SPACA4: variants seen among roughly 807,000 people sequenced by gnomAD.
SPACA4 encodes sperm acrosome membrane-associated protein 4.
For synonymous variants in SPACA4, 63 were observed against 77.5 expected, an observed-to-expected ratio of 0.81 and a Z score of 0.98; for missense variants, 130 against 169.4, an observed-to-expected ratio of 0.77 and a Z score of 1.29.
At position 48,607,535 on chromosome 19, in the gene SPACA4, G is replaced by C. The variant is rs149256257; in HGVS notation, c.*182G>C. 59 of 792,890 alleles carry C rather than the reference G, an allele frequency of 7.4e-5. No individual in the cohort carries two copies. The East Asian group carries it at 1.6e-3, about 21-fold the overall frequency. 49.1% of individuals were successfully genotyped at this position (792,890 alleles called of 1,614,324 possible). A position where few individuals can be genotyped will look rare whatever the true frequency, so the allele number is the denominator to read the frequency against. The stretch of plus-strand genomic sequence containing the variant: ...AGGGGAAGCATCCCCAGGCCTGACT[G>C]AGCGGCAGGGGAGCACGGCCCGTGG... On this transcript the variant is annotated 3_prime_UTR_variant, in exon 1 of 1. Transcript: ENST00000321762.
chr19:48,607,277 C>A lies in SPACA4; in HGVS notation c.299C>A (p.Pro100Gln), dbSNP rs368994852. The A allele has an allele frequency of 1.2e-6, 2 of 1,602,054 alleles. No individual in the cohort carries two copies. The highest frequency in any genetic ancestry group is 2.3e-5 in the East Asian group (1 of 44,368). Reference protein sequence around the residue: ...CCTGRLCNRAPSSQTVGATTS... With the variant: ...CCTGRLCNRAQSSQTVGATTS... ...ACCGGCCGCCTGTGTAACAGAGCCC[C>A]GAGCAGCCAGACAGTGGGGGCCACC... The change falls in exon 1 of 1, where the codon CCG becomes CAG. Residue 100 changes from proline (P) to glutamine (Q), a missense_variant. By Grantham distance (76) the Pro-to-Gln change is moderately conservative. Transcript: ENST00000321762.
At position 48,606,827 on chromosome 19, in the gene SPACA4, G is replaced by A; in HGVS notation, c.-152G>A. The A allele has an allele frequency of 1.1e-6, 1 of 936,448 alleles. No homozygotes were observed. Among genetic ancestry groups the A allele is most frequent in the Non-Finnish European group, 1.6e-6 (1 of 642,612 alleles). The allele number at this position is 936,448 out of a possible 1,614,324, so 58.0% of individuals were successfully genotyped here. A position where few individuals can be genotyped will look rare whatever the true frequency, so the allele number is the denominator to read the frequency against. On this transcript the variant is annotated 5_prime_UTR_variant, in exon 1 of 1. Transcript: ENST00000321762. ...AGAGGGACGCAGGGCGTTGGGAACA[G>A]AGGACACTCCAGGCGCTGACCCTGG...
chr19:48,607,032 G>A lies in SPACA4; in HGVS notation c.54G>A (p.Thr18=), dbSNP rs542845904. The A allele has an allele frequency of 2.6e-5, 42 of 1,611,944 alleles. No individual in the cohort carries two copies. Among genetic ancestry groups the A allele is most frequent in the Middle Eastern group, 1.6e-4 (1 of 6,062 alleles). The change falls in exon 1 of 1, where the codon ACG becomes ACA. Residue 18 remains threonine (T), a synonymous_variant. Coordinates refer to ENST00000321762, the MANE Select transcript of SPACA4 (RefSeq NM_133498.3). ...TGATGGCTCTGCCCCCAGGCACGACGGGCGTCAAGGACTGCGTCTTCTGTG... is the reference window on the plus strand; with the variant it reads ...TGATGGCTCTGCCCCCAGGCACGACAGGCGTCAAGGACTGCGTCTTCTGTG... ...LLVMALPPGT[T]GVKDCVFCEL...
chr19:48,606,801 T>G lies in SPACA4; in HGVS notation c.-178T>G. On this transcript the variant is annotated 5_prime_UTR_variant, in exon 1 of 1. Transcript: ENST00000321762. The stretch of plus-strand genomic sequence containing the variant: ...CCCGCTCACCTCCATCCCCAGGACT[T>G]AGAGGGACGCAGGGCGTTGGGAACA... The G allele has an allele frequency of 1.4e-6, 1 of 708,128 alleles. No homozygotes were observed. The highest frequency in any genetic ancestry group is 2.3e-6 in the Non-Finnish European group (1 of 436,930). 43.9% of individuals were successfully genotyped at this position (708,128 alleles called of 1,614,324 possible). A position where few individuals can be genotyped will look rare whatever the true frequency, so the allele number is the denominator to read the frequency against.
chr19:48,607,191 C>T lies in SPACA4; in HGVS notation c.213C>T (p.Cys71=), dbSNP rs371143349. The change falls in exon 1 of 1, where the codon TGC becomes TGT. Residue 71 remains cysteine (C), a synonymous_variant. Coordinates refer to ENST00000321762, the MANE Select transcript of SPACA4 (RefSeq NM_133498.3). ...INKGCLRATS[C]GLEEPVSYRG... ...AAGGCTGCCTGCGAGCCACCAGCTG[C>T]GGCCTTGAGGAACCCGTCAGCTACA... The T allele has an allele frequency of 9.5e-5, 153 of 1,613,240 alleles. No individual in the cohort carries two copies. Among genetic ancestry groups the T allele is most frequent in the African/African-American group, 2.3e-4 (17 of 75,068 alleles).
In SPACA4 at chr19:48,606,764, G is replaced by A. The variant is rs1399354769; in HGVS notation, c.-215G>A. 1.7e-6 allele frequency: 1 copy of A among 598,750 alleles called. No individual in the cohort carries two copies. Among genetic ancestry groups the A allele is most frequent in the Non-Finnish European group, 2.9e-6 (1 of 340,754 alleles). The allele number at this position is 598,750 out of a possible 1,614,324, so 37.1% of individuals were successfully genotyped here. On this transcript the variant is annotated 5_prime_UTR_variant, in exon 1 of 1. Transcript: ENST00000321762. The stretch of plus-strand genomic sequence containing the variant: ...CTCATTCCATTCACAGACTCTTGTT[G>A]GGCAGCAGCCACCCGCTCACCTCCA...
Position 48,607,510 on chromosome 19 carries a change from AG to A in SPACA4, c.*161del, listed in dbSNP as rs947325911. 4 of 1,026,460 alleles carry A rather than the reference AG, an allele frequency of 3.9e-6. No individual in the cohort carries two copies. In the Admixed American group the frequency reaches 1.2e-4, roughly 30 times the overall value. 63.6% of individuals were successfully genotyped at this position (1,026,460 alleles called of 1,614,324 possible). On this transcript the variant is annotated 3_prime_UTR_variant, in exon 1 of 1. Transcript: ENST00000321762. ...GGCTGTCCACCAGGAGCCCGGTGCT[AG>A]GGGAAGCATCCCCAGGCCTGACTGA...
At position 48,607,260 on chromosome 19, in the gene SPACA4, C is replaced by T. The variant is rs1159514104; in HGVS notation, c.282C>T (p.Arg94=). 1 of 1,607,866 alleles carries T rather than the reference C, an allele frequency of 6.2e-7. No individual in the cohort carries two copies. The highest frequency in any genetic ancestry group is 1.3e-5 in the African/African-American group (1 of 74,964). Residue 94 remains arginine, a synonymous_variant, in exon 1 of 1, where the codon CGC becomes CGT. Transcript: ENST00000321762. ...YSLTTNCCTG[R]LCNRAPSSQT... ...TCACCACCAACTGCTGCACCGGCCG[C>T]CTGTGTAACAGAGCCCCGAGCAGCC... is the stretch of plus-strand genomic sequence containing the variant.
In SPACA4 at chr19:48,607,087, A is replaced by T; in HGVS notation, c.109A>T (p.Thr37Ser). Residue 37 changes from threonine to serine, a missense_variant, in exon 1 of 1, where the codon ACC (threonine) becomes TCC (serine). Transcript: ENST00000321762. The part of the protein sequence containing the change: ...ELTDSMQCPG[T>S]YMHCGDDEDC... The stretch of plus-strand genomic sequence containing the variant: ...CACCGACTCCATGCAGTGTCCTGGT[A>T]CCTACATGCACTGTGGCGATGACGA... 1 of 1,613,236 alleles carries T rather than the reference A, an allele frequency of 6.2e-7. No individual in the cohort carries two copies. The highest frequency in any genetic ancestry group is 8.5e-7 in the Non-Finnish European group (1 of 1,179,996).
Position 48,607,434 on chromosome 19 carries a change from GC to G in SPACA4, c.*83del. On this transcript the variant is annotated 3_prime_UTR_variant, in exon 1 of 1. Transcript: ENST00000321762. Reference sequence around the variant, plus strand: ...CCCCATGTCCTTCCCCCACTAAATGGCCAGAGAGGCCCTGGACAACCTCTTG... The same window carrying G: ...CCCCATGTCCTTCCCCCACTAAATGGCAGAGAGGCCCTGGACAACCTCTTG... 1 of 1,478,636 alleles carries G rather than the reference GC, an allele frequency of 6.8e-7. No homozygotes were observed. Among genetic ancestry groups the G allele is most frequent in the Non-Finnish European group, 9.0e-7 (1 of 1,105,690 alleles). The allele number at this position is 1,478,636 out of a possible 1,614,324, so 91.6% of individuals were successfully genotyped here.
In SPACA4 at chr19:48,607,131, C is replaced by T. The variant is rs760508084; in HGVS notation, c.153C>T (p.His51=). ...CGDDEDCFTG[H]GVAPGTGPVI... ...ATGACGAGGACTGCTTCACAGGCCA[C>T]GGGGTCGCCCCGGGCACTGGTCCGG... The change falls in exon 1 of 1, where the codon CAC becomes CAT. Residue 51 remains histidine, a synonymous_variant. Transcript: ENST00000321762. 6 of 1,612,924 alleles carry T rather than the reference C, an allele frequency of 3.7e-6. No homozygotes were observed. Among genetic ancestry groups the T allele is most frequent in the African/African-American group, 1.3e-5 (1 of 75,064 alleles).
chr19:48,607,284 C>G lies in SPACA4; in HGVS notation c.306C>G (p.Ser102Arg). Residue 102 changes from serine to arginine, a missense_variant, in exon 1 of 1, where the codon AGC (serine) becomes AGG (arginine). Coordinates refer to ENST00000321762, the MANE Select transcript of SPACA4 (RefSeq NM_133498.3). The part of the protein sequence containing the change: ...TGRLCNRAPS[S>R]QTVGATTSLA... ...GCCTGTGTAACAGAGCCCCGAGCAG[C>G]CAGACAGTGGGGGCCACCACCAGCC... The G allele has an allele frequency of 6.2e-7, 1 of 1,600,652 alleles. No homozygotes were observed. The highest frequency in any genetic ancestry group is 1.1e-5 in the South Asian group (1 of 89,596).
chr19:48,607,218 G>A lies in SPACA4; in HGVS notation c.240G>A (p.Arg80=), dbSNP rs746783916. 7.4e-6 allele frequency: 12 copies of A among 1,613,076 alleles called. No individual in the cohort carries two copies. The South Asian group carries it at 9.9e-5, about 13-fold the overall frequency. The change falls in exon 1 of 1, where the codon AGG becomes AGA. Residue 80 remains arginine (R), a synonymous_variant. Coordinates refer to ENST00000321762, the MANE Select transcript of SPACA4 (RefSeq NM_133498.3). The stretch of plus-strand genomic sequence containing the variant: ...GCCTTGAGGAACCCGTCAGCTACAG[G>A]GGCGTCACCTACAGCCTCACCACCA... ...SCGLEEPVSY[R]GVTYSLTTNC...
In SPACA4 at chr19:48,607,654, T is replaced by C; in HGVS notation, c.*301T>C. 1 of 409,346 alleles carries C rather than the reference T, an allele frequency of 2.4e-6. No homozygotes were observed. Among genetic ancestry groups the C allele is most frequent in the African/African-American group, 2.0e-5 (1 of 50,862 alleles). 25.4% of individuals were successfully genotyped at this position (409,346 alleles called of 1,614,324 possible). ...TCTCTCCATTGGTAGCACTTTAGAG[T>C]CCATGAAATATGGTAAAAAATATAT... On this transcript the variant is annotated 3_prime_UTR_variant, in exon 1 of 1. Transcript: ENST00000321762.
Position 48,607,307 on chromosome 19 carries a change from G to T in SPACA4, c.329G>T (p.Ser110Ile). ...PSSQTVGATT[S>I]LALGLGMLLP... The stretch of plus-strand genomic sequence containing the variant: ...AGCCAGACAGTGGGGGCCACCACCA[G>T]CCTGGCACTGGGGCTGGGTATGCTG... The change falls in exon 1 of 1, where the codon AGC (serine) becomes ATC (isoleucine). Residue 110 changes from serine to isoleucine, a missense_variant. Transcript: ENST00000321762. 1 of 1,597,316 alleles carries T rather than the reference G, an allele frequency of 6.3e-7. No homozygotes were observed. The highest frequency in any genetic ancestry group is 8.5e-7 in the Non-Finnish European group (1 of 1,171,658).
chr19:48,607,497 G>A lies in SPACA4; in HGVS notation c.*144G>A. Reference sequence around the variant, plus strand: ...TCATCCCTTCTAAGGCTGTCCACCAGGAGCCCGGTGCTAGGGGAAGCATCC... The same window carrying A: ...TCATCCCTTCTAAGGCTGTCCACCAAGAGCCCGGTGCTAGGGGAAGCATCC... On this transcript the variant is annotated 3_prime_UTR_variant, in exon 1 of 1. Transcript: ENST00000321762. The A allele has an allele frequency of 1.7e-6, 2 of 1,151,368 alleles. No individual in the cohort carries two copies. Among genetic ancestry groups the A allele is most frequent in the Middle Eastern group, 3.0e-4 (1 of 3,332 alleles). 71.3% of individuals were successfully genotyped at this position (1,151,368 alleles called of 1,614,324 possible).
At position 48,607,137 on chromosome 19, in the gene SPACA4, C is replaced by T. The variant is rs149260271; in HGVS notation, c.159C>T (p.Val53=). 9 of 1,612,760 alleles carry T rather than the reference C, an allele frequency of 5.6e-6. No individual in the cohort carries two copies. Among genetic ancestry groups the T allele is most frequent in the East Asian group, 4.5e-5 (2 of 44,896 alleles). Residue 53 remains valine (V), a synonymous_variant, in exon 1 of 1, where the codon GTC becomes GTT. Coordinates refer to ENST00000321762, the MANE Select transcript of SPACA4 (RefSeq NM_133498.3). ...DDEDCFTGHG[V]APGTGPVINK... Reference sequence around the variant, plus strand: ...AGGACTGCTTCACAGGCCACGGGGTCGCCCCGGGCACTGGTCCGGTCATCA... The same window carrying T: ...AGGACTGCTTCACAGGCCACGGGGTTGCCCCGGGCACTGGTCCGGTCATCA...
Position 48,607,248 on chromosome 19 carries a change from C to T in SPACA4, c.270C>T (p.Cys90=), listed in dbSNP as rs146857254. 3 of 1,609,466 alleles carry T rather than the reference C, an allele frequency of 1.9e-6. No homozygotes were observed. In the African/African-American group the frequency reaches 4.0e-5, roughly 21 times the overall value. ...TCACCTACAGCCTCACCACCAACTG[C>T]TGCACCGGCCGCCTGTGTAACAGAG... ...RGVTYSLTTN[C]CTGRLCNRAP... is the part of the protein sequence containing the mutation. Residue 90 remains cysteine (C), a synonymous_variant, in exon 1 of 1, where the codon TGC becomes TGT. Coordinates refer to ENST00000321762, the MANE Select transcript of SPACA4 (RefSeq NM_133498.3).
chr19:48,607,255 G>A lies in SPACA4; in HGVS notation c.277G>A (p.Gly93Ser), dbSNP rs773214727. 8.7e-6 allele frequency: 14 copies of A among 1,608,158 alleles called. No individual in the cohort carries two copies. In the East Asian group the frequency reaches 1.1e-4, roughly 13 times the overall value. ...CAGCCTCACCACCAACTGCTGCACCGGCCGCCTGTGTAACAGAGCCCCGAG... is the reference window on the plus strand; with the variant it reads ...CAGCCTCACCACCAACTGCTGCACCAGCCGCCTGTGTAACAGAGCCCCGAG... ...TYSLTTNCCT[G>S]RLCNRAPSSQ... The change falls in exon 1 of 1, where the codon GGC becomes AGC. Residue 93 changes from glycine (G) to serine (S), a missense_variant. By Grantham distance (56) the Gly-to-Ser change is moderately conservative. Transcript: ENST00000321762.
Sources: allele counts gnomAD v4.1 joint callset, GRCh38; gene constraint gnomAD v4.1.1; transcripts MANE v1.5; gene names NCBI Gene and HGNC (gene_info 2026-07-23, HGNC 2026-07-21).